SLC8A2: variants seen among roughly 807,000 people sequenced by gnomAD.
SLC8A2 encodes the protein sodium/calcium exchanger 2.
A neutral mutation model predicts 70.2 loss-of-function variants in SLC8A2; 14 were observed. That is an observed-to-expected ratio of 0.20 (90% CI 0.13 to 0.31). SLC8A2 has a LOEUF of 0.31. Ranked by LOEUF, SLC8A2 falls within the 10% of genes least tolerant of loss-of-function variation. The pLI is 1.00. For missense variants in SLC8A2, 779 were observed against 1,320.1 expected (o/e 0.59, Z 6.35); for synonymous variants, 575 against 594.3 (o/e 0.97, Z 0.47).
intron 3 of SLC8A2, among the ~76,000 whole-genome samples, chr19:47,453,971 AC>A (rs1332153852): frequency 1.3e-5 from 2 of 151,690 alleles, no homozygotes; most frequent in Admixed American, 6.6e-5. Context: ...CATGGCAAAA[AC>A]CCATCTTTAC....
rs554261958 is a variant in SLC8A2, at chr19:47,432,903, C to T, written c.2111-458G>A. ...GACAAATATTTATTTTCCCAGAATC[C>T]CTTGCACCTAAATGTGGCCAAGTCA... On this transcript the variant is annotated intron_variant, in intron 8 of 9. Coordinates refer to ENST00000236877, the MANE Select transcript of SLC8A2 (RefSeq NM_015063.3). This position sits in a 1 kb window ranked among gnomAD's most constrained non-coding sequence, Gnocchi z 6.2. Among the ~76,000 whole-genome samples, 3 of 152,110 alleles carry T rather than the reference C, an allele frequency of 2.0e-5. No homozygotes were observed. Among genetic ancestry groups the T allele is most frequent in the Admixed American group, 1.3e-4 (2 of 15,264 alleles).
Position 47,448,113 on chromosome 19 carries a change from C to G in SLC8A2, c.1459G>C (p.Val487Leu), listed in dbSNP as rs1967191978. Residue 487 changes from valine to leucine, a missense_variant, in exon 4 of 10, where the codon GTG becomes CTG. Physicochemically the swap from Val to Leu is conservative, Grantham distance 32. Around this residue, in one of 6 missense-constraint regions of SLC8A2, gnomAD observed 247 missense variants for 362.8 expected, o/e 0.68. Transcript: ENST00000236877. This position sits in a 1 kb window ranked among gnomAD's most constrained non-coding sequence, Gnocchi z 4.8. ...TCGAACATGCCCTGCGCGTCGCCCA[C>G]GCGCAGGTTCAGCAGCCGCACGAAG... ...HFFVRLLNLR[V>L]GDAQGMFEPD... 5.0e-6 allele frequency: 8 copies of G among 1,611,168 alleles called. No homozygotes were observed. Among genetic ancestry groups the G allele is most frequent in the Non-Finnish European group, 5.9e-6 (7 of 1,179,090 alleles).
intron 3 of SLC8A2, among the ~76,000 whole-genome samples, chr19:47,452,493 T>G (rs1967256934): frequency 7.9e-6 from 1 of 125,928 alleles, no homozygotes; most frequent in African/African-American, 2.9e-5. Context: ...TGTGTGTGTC[T>G]TGGTCTGTCT....
At chr19:47,431,600 G>A (rs1173299951) in intron 9 of SLC8A2, among the ~76,000 whole-genome samples, 1 of 139,520 alleles carries the variant, frequency 7.2e-6, no homozygotes, top group Non-Finnish European at 1.5e-5. Context: ...AGTGAGCCGA[G>A]ATCACAAGAT....
Position 47,457,037 on chromosome 19 carries a change from G to A in SLC8A2, c.1233C>T (p.Ser411=), listed in dbSNP as rs200590476. 2.2e-5 allele frequency: 36 copies of A among 1,609,486 alleles called. No individual in the cohort carries two copies. The East Asian group carries it at 6.9e-4, about 31-fold the overall frequency. The stretch of plus-strand genomic sequence containing the variant: ...CCTGGCACGTGACGGACAGCAGCAC[G>A]GAGCCGCAGTTCTCCAGGCAGTGGT... The part of the protein sequence containing the change: ...SLYHCLENCG[S]VLLSVTCQGG... Residue 411 remains serine (S), a synonymous_variant, in exon 3 of 10, where the codon TCC becomes TCT. Transcript: ENST00000236877.
chr19:47,471,321 A>G (rs830133), intron 1 of SLC8A2, among the ~76,000 whole-genome samples: 130,869 of 151,780 alleles, frequency 0.86, 57,569 homozygotes, highest in Non-Finnish European at 0.95. Context: ...ACAGAGCCCC[A>G]GAGAGACTCC....
At chr19:47,470,731 G>A (rs569159031) in intron 1 of SLC8A2, among the ~76,000 whole-genome samples, 2 of 152,348 alleles carry the variant, frequency 1.3e-5, no homozygotes, top group African/African-American at 4.8e-5. Flanking sequence ...GAAGACTGGG[G>A]AGGTTAGATT....
chr19:47,437,767 C>G, intron 7 of SLC8A2, 82 bp downstream of exon 7: 1 of 1,552,782 alleles, frequency 6.4e-7, no homozygotes, highest in Non-Finnish European at 8.9e-7. Flanking sequence ...TCTTAGGAAC[C>G]TTGTGGCTCC....
rs1966981525 is a variant in SLC8A2 at position 47,432,779 on chromosome 19, T to C, written c.2111-334A>G. 6.6e-6 allele frequency among the ~76,000 whole-genome samples: 1 copy of C among 152,138 alleles called. No individual in the cohort carries two copies. Among genetic ancestry groups the C allele is most frequent in the Non-Finnish European group, 1.5e-5 (1 of 68,016 alleles). ...TGAGTCCAGGTAAAAAAATTTTACT[T>C]TCCCAGAATCCCTTGCACCTAAGTG... On this transcript the variant is annotated intron_variant, in intron 8 of 9. Coordinates refer to ENST00000236877, the MANE Select transcript of SLC8A2 (RefSeq NM_015063.3). This position sits in a 1 kb window ranked among gnomAD's most constrained non-coding sequence, Gnocchi z 6.2.
chr19:47,461,395 G>C (rs994127916), intron 2 of SLC8A2, among the ~76,000 whole-genome samples: 4 of 151,960 alleles, frequency 2.6e-5, no homozygotes, highest in African/African-American at 9.7e-5. Context: ...TGTAATTCCA[G>C]CTATTAGGAA....
rs1009993074 is a variant in SLC8A2, at chr19:47,448,879, A to G, written c.1341-648T>C. Among the ~76,000 whole-genome samples the G allele has an allele frequency of 6.6e-6, 1 of 152,074 alleles. No individual in the cohort carries two copies. Among genetic ancestry groups the G allele is most frequent in the Non-Finnish European group, 1.5e-5 (1 of 68,012 alleles). ...CTTGGCATCACTCATTCATTCAACA[A>G]ACACTCCTAAGGGCACCCGTTGTGT... is the stretch of plus-strand genomic sequence containing the variant. On this transcript the variant is annotated intron_variant, in intron 3 of 9. Coordinates refer to ENST00000236877, the MANE Select transcript of SLC8A2 (RefSeq NM_015063.3). This position sits in a 1 kb window ranked among gnomAD's most constrained non-coding sequence, Gnocchi z 4.8.
intron 8 of SLC8A2, among the ~76,000 whole-genome samples, chr19:47,436,672 T>C (rs1360184432): frequency 6.6e-6 from 1 of 152,158 alleles, no homozygotes; most frequent in Non-Finnish European, 1.5e-5. Context: ...CTCGGGCCTT[T>C]TCTGGACTCC....
rs1029583867 is a variant in SLC8A2, at chr19:47,437,484, T to C, written c.2088A>G (p.Leu696=). 1.2e-6 allele frequency: 2 copies of C among 1,613,112 alleles called. No homozygotes were observed. Among genetic ancestry groups the C allele is most frequent in the African/African-American group, 2.7e-5 (2 of 74,896 alleles). ...TACCTGCGCTCACCGTAATTGCCTC[T>C]AAAAACTGCTCCCTCCATGAATGGG... The part of the protein sequence containing the change: ...IGTHSWREQF[L]EAITVSAGDE... The change falls in exon 8 of 10, where the codon TTA becomes TTG. Residue 696 remains leucine (L), a synonymous_variant. Coordinates refer to ENST00000236877, the MANE Select transcript of SLC8A2 (RefSeq NM_015063.3).
At position 47,429,151 on chromosome 19, in the gene SLC8A2, G is replaced by C. The variant is rs1479943503; in HGVS notation, c.*938C>G. Reference sequence around the variant, plus strand: ...CAAAAGGAACCTTCCAGATTGTCAGGGGAGATCAACTGGACTCGCTTTGAT... The same window carrying C: ...CAAAAGGAACCTTCCAGATTGTCAGCGGAGATCAACTGGACTCGCTTTGAT... On this transcript the variant is annotated 3_prime_UTR_variant, in exon 10 of 10. Transcript: ENST00000236877. The C allele has an allele frequency of 6.6e-6, 1 of 152,536 alleles. No individual in the cohort carries two copies. Among genetic ancestry groups the C allele is most frequent in the East Asian group, 1.9e-4 (1 of 5,172 alleles). The allele number at this position is 152,536 out of a possible 1,614,324, so 9.4% of individuals were successfully genotyped here.
At chr19:47,454,893 C>T (rs539337620) in intron 3 of SLC8A2, among the ~76,000 whole-genome samples, 1 of 152,118 alleles carries the variant, frequency 6.6e-6, no homozygotes, top group Non-Finnish European at 1.5e-5. Context: ...CAAGACCAGC[C>T]TGGCCAACAC....
intron 4 of SLC8A2, 44 bp from the exon 5 acceptor site, chr19:47,441,484 C>T: frequency 1.6e-6 from 2 of 1,228,552 alleles, no homozygotes; most frequent in Non-Finnish European, 2.4e-6. Context: ...AGTGTAAGGC[C>T]CCCTCCCCAG....
intron 3 of SLC8A2, among the ~76,000 whole-genome samples, chr19:47,454,210 C>A (rs1967276865): frequency 6.6e-6 from 1 of 152,058 alleles, no homozygotes; most frequent in South Asian, 2.1e-4. Flanking sequence ...GGCTGTTATC[C>A]CAGGAGGTGA....
Position 47,464,115 on chromosome 19 carries a change from TTTTC to T in SLC8A2, c.675+1610_675+1613del, listed in dbSNP as rs1014885706. Among the ~76,000 whole-genome samples, 35 of 152,132 alleles carry T rather than the reference TTTTC, an allele frequency of 2.3e-4. 1 individual carries two copies. The highest frequency in any genetic ancestry group is 4.7e-4 in the Non-Finnish European group (32 of 68,032). The stretch of plus-strand genomic sequence containing the variant: ...TATCTGTTATATTCTCCTTTCTTCC[TTTTC>T]TTTCTTTTTTTAGATAGAGTCTCAC... On this transcript the variant is annotated intron_variant, in intron 2 of 9. Coordinates refer to ENST00000236877, the MANE Select transcript of SLC8A2 (RefSeq NM_015063.3).
At chr19:47,471,595 G>C (rs1459304980) in intron 1 of SLC8A2, among the ~76,000 whole-genome samples, 194 bp downstream of exon 1, 1 of 151,996 alleles carries the variant, frequency 6.6e-6, no homozygotes, top group Non-Finnish European at 1.5e-5. Flanking sequence ...AACCAGGAGG[G>C]ACTGAAGGTG....
Sources: allele counts gnomAD v4.1 joint callset (sites outside exome capture counted in the v4.1 genomes callset), GRCh38; gene constraint gnomAD v4.1.1; regional missense constraint gnomAD v4.1.1; non-coding constraint Gnocchi (gnomAD v3.1); transcripts MANE v1.5; gene names NCBI Gene and HGNC (gene_info 2026-07-23, HGNC 2026-07-21).